The following BMP6 variants were observed in gnomAD, a reference collection of about 807,000 sequenced individuals.
BMP6 encodes bone morphogenetic protein 6, also known as VG-1-R.
BMP6 carries 17 observed loss-of-function variants against 54.1 expected under a neutral mutation model. That is an observed-to-expected ratio of 0.31 (90% CI 0.22 to 0.47). The LOEUF is 0.47. Among genes scored for constraint, BMP6 ranks in the 20% least tolerant of loss-of-function variants. BMP6 has a pLI of 1.00. For missense variants in BMP6, 720 were observed against 690.4 expected, an observed-to-expected ratio of 1.04 and a Z score of -0.48; for synonymous variants, 328 against 291.2, an observed-to-expected ratio of 1.13 and a Z score of -1.28.
chr6:7,788,922 C>T (rs1758055695), intron 1 of BMP6, among the ~76,000 whole-genome samples: 1 of 149,840 alleles, frequency 6.7e-6, no homozygotes, highest in Admixed American at 6.6e-5. Flanking sequence ...CAAGGTGCTT[C>T]CTCAGGAATG....
intron 1 of BMP6, among the ~76,000 whole-genome samples, chr6:7,818,766 G>A (rs139236088): frequency 1.3e-5 from 2 of 152,246 alleles, no homozygotes; most frequent in East Asian, 1.9e-4. Flanking sequence ...ACAATCTGAC[G>A]TCAACTGTCA....
intron 1 of BMP6, among the ~76,000 whole-genome samples, chr6:7,731,149 C>T (rs1052205179): frequency 3.3e-5 from 5 of 152,196 alleles, no homozygotes; most frequent in African/African-American, 4.8e-5. Flanking sequence ...AAATGCTAAC[C>T]GTCTGCTGCC....
intron 1 of BMP6, among the ~76,000 whole-genome samples, chr6:7,821,560 T>C (rs1758611690): frequency 6.6e-6 from 1 of 152,214 alleles, no homozygotes; most frequent in Non-Finnish European, 1.5e-5. Context: ...CCTGTAGTTA[T>C]CAGTAGGCAT....
chr6:7,858,001 C>G (rs1348628078), intron 2 of BMP6, among the ~76,000 whole-genome samples: 1 of 152,196 alleles, frequency 6.6e-6, no homozygotes. Flanking sequence ...CCACCATCTA[C>G]AGCTGACACC....
At chr6:7,877,529 A>C (rs1002930674) in intron 4 of BMP6, among the ~76,000 whole-genome samples, 4 of 152,168 alleles carry the variant, frequency 2.6e-5, no homozygotes, top group African/African-American at 9.7e-5. Flanking sequence ...AGACTGAGGC[A>C]GGAGAATCGC....
At chr6:7,760,068 T>G (rs1485069625) in intron 1 of BMP6, among the ~76,000 whole-genome samples, 1 of 149,046 alleles carries the variant, frequency 6.7e-6, no homozygotes, top group Non-Finnish European at 1.5e-5. Context: ...TCAACTTTTT[T>G]TTTTTTTTTT....
chr6:7,775,861 G>T (rs1757854805), intron 1 of BMP6, among the ~76,000 whole-genome samples: 2 of 152,042 alleles, frequency 1.3e-5, no homozygotes, highest in South Asian at 4.1e-4. Flanking sequence ...AAACATTTGG[G>T]GTAGCAACGA....
chr6:7,754,511 A>G (rs1482070533), intron 1 of BMP6, among the ~76,000 whole-genome samples: 2 of 152,010 alleles, frequency 1.3e-5, no homozygotes, highest in African/African-American at 4.8e-5. Context: ...CAGTTCTGTC[A>G]TTTATTTTTC....
At position 7,799,740 on chromosome 6, in the gene BMP6, TA is replaced by T. The variant is rs34023411; in HGVS notation, c.665-45385del. 7.2e-3 allele frequency among the ~76,000 whole-genome samples: 1,050 copies of T among 145,642 alleles called. 6 individuals carry two copies. Among genetic ancestry groups the T allele is most frequent in the Admixed American group, 0.012 (178 of 14,670 alleles). On this transcript the variant is annotated intron_variant, in intron 1 of 6. Coordinates refer to ENST00000283147, the MANE Select transcript of BMP6 (RefSeq NM_001718.6). ...CCTTGACTTATAGTTACACTGATTATAAAAAAAAAAAAAAAGATAATGTCTC... is the reference window on the plus strand; with the variant it reads ...CCTTGACTTATAGTTACACTGATTATAAAAAAAAAAAAAAGATAATGTCTC...
At chr6:7,730,009 T>C (rs574435563) in intron 1 of BMP6, among the ~76,000 whole-genome samples, 35 of 152,348 alleles carry the variant, frequency 2.3e-4, no homozygotes, top group African/African-American at 7.9e-4. Context: ...CCCAGCAGTG[T>C]CATTGTTTTG....
At chr6:7,808,326 T>A (rs1758382357) in intron 1 of BMP6, among the ~76,000 whole-genome samples, 1 of 152,164 alleles carries the variant, frequency 6.6e-6, no homozygotes, top group African/African-American at 2.4e-5. Context: ...ATCTGAAGAT[T>A]TACTGATAGG....
At chr6:7,869,844 C>T (rs1308097279) in intron 4 of BMP6, among the ~76,000 whole-genome samples, 3 of 152,152 alleles carry the variant, frequency 2.0e-5, no homozygotes, top group South Asian at 2.1e-4. Flanking sequence ...CTGTGTGGAA[C>T]GTGCACCTGC....
intron 1 of BMP6, among the ~76,000 whole-genome samples, chr6:7,771,754 C>A (rs1253056486): frequency 6.6e-6 from 1 of 152,178 alleles, no homozygotes; most frequent in African/African-American, 2.4e-5. Flanking sequence ...CCATTCCTTT[C>A]CTTAGAAGTC....
At chr6:7,766,559 A>C (rs919692517) in intron 1 of BMP6, among the ~76,000 whole-genome samples, 1 of 152,220 alleles carries the variant, frequency 6.6e-6, no homozygotes. Flanking sequence ...TCAAGGCTGC[A>C]GTGAGCCAAG....
chr6:7,783,039 A>G (rs1305525470), intron 1 of BMP6, among the ~76,000 whole-genome samples: 6 of 152,226 alleles, frequency 3.9e-5, no homozygotes, highest in Admixed American at 2.0e-4. Context: ...GGGTCAGAGT[A>G]AAAATAAGAG....
Position 7,727,411 on chromosome 6 carries a change from G to A in BMP6, c.456G>A (p.Ala152=), listed in dbSNP as rs371034097. The change falls in exon 1 of 7, where the codon GCG becomes GCA. Residue 152 remains alanine (A), a synonymous_variant. Coordinates refer to ENST00000283147, the MANE Select transcript of BMP6 (RefSeq NM_001718.6). ...ALSADNDEDG[A]SEGERQQSWP... is the part of the protein sequence containing the mutation. Reference sequence around the variant, plus strand: ...CCGCCGACAACGACGAGGACGGGGCGTCGGAGGGGGAGAGGCAGCAGTCCT... The same window carrying A: ...CCGCCGACAACGACGAGGACGGGGCATCGGAGGGGGAGAGGCAGCAGTCCT... The A allele has an allele frequency of 3.7e-6, 6 of 1,606,698 alleles. No homozygotes were observed. The African/African-American group carries it at 8.0e-5, about 22-fold the overall frequency.
At chr6:7,815,147 A>G (rs1758506754) in intron 1 of BMP6, among the ~76,000 whole-genome samples, 2 of 152,132 alleles carry the variant, frequency 1.3e-5, no homozygotes, top group Non-Finnish European at 2.9e-5. Flanking sequence ...CCTGGGACTT[A>G]AAGGGTCAGC....
chr6:7,849,097 C>T (rs150458491), intron 2 of BMP6, among the ~76,000 whole-genome samples: 83 of 152,246 alleles, frequency 5.5e-4, no homozygotes, highest in Middle Eastern at 3.4e-3. Flanking sequence ...AAGATAAAGA[C>T]GAAGTACCGG....
intron 4 of BMP6, among the ~76,000 whole-genome samples, chr6:7,866,129 A>G (rs975537054): frequency 3.9e-5 from 6 of 152,206 alleles, no homozygotes; most frequent in Non-Finnish European, 8.8e-5. Context: ...GATGGCTTTC[A>G]CTTGCCCTTG....
Sources: gnomAD v4.1 joint callset for allele counts (sites outside exome capture counted in the v4.1 genomes callset) on GRCh38, gnomAD v4.1.1 for gene constraint, MANE v1.5 for transcripts, NCBI Gene and HGNC (gene_info 2026-07-23, HGNC 2026-07-21) for gene names.